Variants in HORMAD2 observed in about 807,000 individuals in gnomAD.
HORMAD2 encodes HORMA domain containing 2.
Under a neutral mutation model 38.8 loss-of-function variants are expected in HORMAD2, and 45 were observed. The ratio of observed to expected loss-of-function variants is 1.16; its 90% CI spans 0.91 to 1.49. HORMAD2 has a LOEUF of 1.49. Among genes scored for constraint, HORMAD2 ranks in the 40% most tolerant of loss-of-function variants. HORMAD2 has a pLI of 0.00. For synonymous variants in HORMAD2, 126 were observed against 122.8 expected (o/e 1.03, Z -0.17); for missense variants, 338 against 367.0 (o/e 0.92, Z 0.65).
chr22:30,091,453 A>T (rs369936157), intron 1 of HORMAD2, among the ~76,000 whole-genome samples: 3 of 151,672 alleles, frequency 2.0e-5, no homozygotes, highest in African/African-American at 7.3e-5. Context: ...TTTTGTACAG[A>T]TAGGGTTTCA....
intron 2 of HORMAD2, among the ~76,000 whole-genome samples, chr22:30,096,967 A>C (rs947949097): frequency 3.9e-5 from 6 of 152,194 alleles, no homozygotes; most frequent in Admixed American, 2.6e-4. Flanking sequence ...TGCTCTTAAT[A>C]GTATATTAAT....
At chr22:30,124,719 A>G (rs1421355523) in intron 10 of HORMAD2, among the ~76,000 whole-genome samples, 1 of 152,136 alleles carries the variant, frequency 6.6e-6, no homozygotes, top group Admixed American at 6.6e-5. Context: ...CTCTTGATAG[A>G]CATTCTTTTT....
At chr22:30,115,230 G>A (rs1411640999) in intron 7 of HORMAD2, among the ~76,000 whole-genome samples, 3 of 152,030 alleles carry the variant, frequency 2.0e-5, no homozygotes, top group East Asian at 1.9e-4. Flanking sequence ...AGGCCCAAGC[G>A]ATCCTCCAAC....
chr22:30,149,425 T>C (rs1457781440), intron 10 of HORMAD2, among the ~76,000 whole-genome samples: 1 of 152,238 alleles, frequency 6.6e-6, no homozygotes, highest in Non-Finnish European at 1.5e-5. Context: ...TAGTGGCTAC[T>C]GTATTGGACA....
chr22:30,163,491 C>T (rs1420835843), intron 10 of HORMAD2, among the ~76,000 whole-genome samples: 2 of 152,192 alleles, frequency 1.3e-5, no homozygotes, highest in Non-Finnish European at 2.9e-5. Context: ...GTGGCACAAT[C>T]TTGGCTCACC....
chr22:30,078,657 A>G (rs140451682), upstream of HORMAD2, among the ~76,000 whole-genome samples: 465 of 147,660 alleles, frequency 3.1e-3, 20 homozygotes, highest in South Asian at 0.046. Flanking sequence ...GAGAAATTCT[A>G]TGAAAGAAAC....
At chr22:30,101,228 A>G (rs544141612) in intron 3 of HORMAD2, among the ~76,000 whole-genome samples, 1 of 152,352 alleles carries the variant, frequency 6.6e-6, no homozygotes, top group East Asian at 1.9e-4. Flanking sequence ...TGTGGCACAT[A>G]TACATCATAG....
At chr22:30,198,661 G>A in the HORMAD2 span, among the ~76,000 whole-genome samples, 13 of 152,004 alleles carry the variant, frequency 8.6e-5, no homozygotes, top group South Asian at 2.1e-4. Context: ...CTCTCACTTG[G>A]GCACTGGTGA....
upstream of HORMAD2, among the ~76,000 whole-genome samples, chr22:30,078,295 A>G (rs1437610963): frequency 6.6e-6 from 1 of 152,122 alleles, no homozygotes; most frequent in Non-Finnish European, 1.5e-5. Context: ...GAAAAAAACA[A>G]AACAGGTTAT....
the HORMAD2 span, among the ~76,000 whole-genome samples, chr22:30,194,150 CCTAA>C: frequency 1.3e-5 from 2 of 152,192 alleles, no homozygotes; most frequent in Admixed American, 1.3e-4. Flanking sequence ...TCTTACCTAA[CCTAA>C]CTATTACAGA....
chr22:30,201,579 G>C, the HORMAD2 span, among the ~76,000 whole-genome samples: 2 of 151,946 alleles, frequency 1.3e-5, no homozygotes, highest in African/African-American at 4.8e-5. Context: ...CCCCTCGCCC[G>C]GCTAATTTTT....
At chr22:30,193,006 G>T in the HORMAD2 span, among the ~76,000 whole-genome samples, 1 of 152,186 alleles carries the variant, frequency 6.6e-6, no homozygotes, top group African/African-American at 2.4e-5. Context: ...GAAACTGGAA[G>T]AGATAAATAA....
At chr22:30,116,844 C>G (rs1322251656) in intron 7 of HORMAD2, among the ~76,000 whole-genome samples, 1 of 152,180 alleles carries the variant, frequency 6.6e-6, no homozygotes, top group Non-Finnish European at 1.5e-5. Context: ...CATTAAAAAG[C>G]TAGAGTTGAT....
At chr22:30,168,828 C>T (rs1442831131) in intron 10 of HORMAD2, among the ~76,000 whole-genome samples, 1 of 152,118 alleles carries the variant, frequency 6.6e-6, no homozygotes, top group Non-Finnish European at 1.5e-5. Context: ...TCTTACTCCT[C>T]TCCAATCCAC....
chr22:30,122,156 C>T lies in HORMAD2; in HGVS notation c.761C>T (p.Thr254Ile). ...LENNLFRENS[T>I]TEIAHQGLDC... ...AACAATCTGTTTCGGGAGAACAGCA[C>T]TACTGAGATCGCCCATCAGGGTCTA... Residue 254 changes from threonine to isoleucine, a missense_variant, in exon 10 of 11, where the codon ACT becomes ATT. Physicochemically the swap from Thr to Ile is moderately conservative, Grantham distance 89 (BLOSUM62 -1). Transcript: ENST00000336726. 1 of 1,613,460 alleles carries T rather than the reference C, an allele frequency of 6.2e-7. No individual in the cohort carries two copies. Among genetic ancestry groups the T allele is most frequent in the South Asian group, 1.1e-5 (1 of 91,016 alleles).
the HORMAD2 span, among the ~76,000 whole-genome samples, chr22:30,188,000 A>G: frequency 0.012 from 1,852 of 152,248 alleles, 21 homozygotes; most frequent in Middle Eastern, 0.02. Flanking sequence ...CTCTAATTGT[A>G]CCTTGGCATG....
In HORMAD2 at chr22:30,112,480, AT is replaced by A; in HGVS notation, c.316-12del. 2 of 1,368,724 alleles carry A rather than the reference AT, an allele frequency of 1.5e-6. No individual in the cohort carries two copies. The highest frequency in any genetic ancestry group is 1.5e-5 in the African/African-American group (1 of 65,756). 84.8% of individuals were successfully genotyped at this position (1,368,724 alleles called of 1,614,324 possible). On this transcript the variant is annotated splice_polypyrimidine_tract_variant and intron_variant, in intron 6 of 10. Transcript: ENST00000336726. ...AAATTCCAGAAATTAAATGATGTTT[AT>A]TTTCCCTTATACAGCTTTACACAGA...
chr22:30,106,554 A>G (rs1243592566), intron 5 of HORMAD2, among the ~76,000 whole-genome samples: 1 of 152,042 alleles, frequency 6.6e-6, no homozygotes, highest in Non-Finnish European at 1.5e-5. Flanking sequence ...AGAGGGGGAG[A>G]CGGCCATCAC....
At chr22:30,196,963 A>G in the HORMAD2 span, among the ~76,000 whole-genome samples, 1 of 152,032 alleles carries the variant, frequency 6.6e-6, no homozygotes, top group East Asian at 1.9e-4. Flanking sequence ...TCCCCGCCTT[A>G]CCTCCTTGGA....
Sources: allele counts gnomAD v4.1 joint callset (sites outside exome capture counted in the v4.1 genomes callset), GRCh38; gene constraint gnomAD v4.1.1; transcripts MANE v1.5; gene names NCBI Gene and HGNC (gene_info 2026-07-23, HGNC 2026-07-21).